The following ABCC4 variants were observed in gnomAD, a reference collection of about 807,000 sequenced individuals.
ABCC4 encodes the protein ATP binding cassette subfamily C member 4 (PEL blood group).
Under a neutral mutation model 168.5 loss-of-function variants are expected in ABCC4, and 102 were observed. The observed-to-expected ratio is 0.61, with a 90% CI of 0.52 to 0.71. The LOEUF is 0.71. ABCC4 is among the 30% of genes least tolerant of loss of function. The pLI is 0.00. For synonymous variants in ABCC4, 617 were observed against 590.7 expected (o/e 1.04, Z -0.65); for missense variants, 1,402 against 1,605.8 (o/e 0.87, Z 2.17).
chr13:95,062,641 AAAAGCAATT>A, intron 26 of ABCC4, 54 bp downstream of exon 26: 1 of 1,437,744 alleles, frequency 7.0e-7, no homozygotes, highest in Non-Finnish European at 9.4e-7. Flanking sequence ...CAATAAGAGT[AAAAGCAATT>A]AAACATAGTA....
chr13:95,064,388 C>A (rs2033441639), intron 25 of ABCC4, among the ~76,000 whole-genome samples: 1 of 150,782 alleles, frequency 6.6e-6, no homozygotes, highest in Non-Finnish European at 1.5e-5. Flanking sequence ...AACAGGTATT[C>A]ATTTTTCCAG....
chr13:95,201,352 A>G (rs1307449987), intron 8 of ABCC4, among the ~76,000 whole-genome samples: 1 of 152,162 alleles, frequency 6.6e-6, no homozygotes, highest in Non-Finnish European at 1.5e-5. Context: ...AATCGTCTGC[A>G]GGATCCCTTT....
chr13:95,211,526 A>G (rs1678400), intron 4 of ABCC4, among the ~76,000 whole-genome samples: 128,920 of 151,714 alleles, frequency 0.85, 55,080 homozygotes, highest in African/African-American at 0.91. Flanking sequence ...GAGGATGTGG[A>G]GGCTGCTGAA....
Position 95,194,936 on chromosome 13 carries a change from G to A in ABCC4, c.1163C>T (p.Thr388Ile), listed in dbSNP as rs1474208365. 16 of 1,612,410 alleles carry A rather than the reference G, an allele frequency of 9.9e-6. No homozygotes were observed. The highest frequency in any genetic ancestry group is 1.2e-5 in the Non-Finnish European group (14 of 1,179,392). The change falls in exon 9 of 31, where the codon ACC (threonine) becomes ATC (isoleucine). Residue 388 changes from threonine to isoleucine, a missense_variant and splice_region_variant. By Grantham distance (89) the Thr-to-Ile change is moderately conservative (BLOSUM62 -1). This residue lies in a region of ABCC4 where 1,007 missense variants were observed against 1,127.3 expected (regional missense o/e 0.89). Coordinates refer to ENST00000645237, the MANE Select transcript of ABCC4 (RefSeq NM_005845.5). ...EAIVSIRRIQ[T>I]FLLLDEISQR... is the part of the protein sequence containing the mutation. Reference sequence around the variant, plus strand: ...TGATATCTCATCAAGTAGCAAAAAGGTCTAAAGAAAATGGGAAAAACACAG... The same window carrying A: ...TGATATCTCATCAAGTAGCAAAAAGATCTAAAGAAAATGGGAAAAACACAG...
chr13:95,273,414 C>G (rs1205063164), intron 1 of ABCC4, among the ~76,000 whole-genome samples: 1 of 152,182 alleles, frequency 6.6e-6, no homozygotes, highest in Non-Finnish European at 1.5e-5. Context: ...TTCCTGGCCC[C>G]TTCCCTCAGG....
At chr13:95,113,038 A>G (rs890856183) in intron 20 of ABCC4, among the ~76,000 whole-genome samples, 6 of 152,192 alleles carry the variant, frequency 3.9e-5, no homozygotes, top group Non-Finnish European at 7.3e-5. Flanking sequence ...ACTCCATTTC[A>G]GATGCCCATG....
intron 19 of ABCC4, among the ~76,000 whole-genome samples, chr13:95,116,295 G>A (rs1160286198): frequency 6.6e-6 from 1 of 152,134 alleles, no homozygotes; most frequent in African/African-American, 2.4e-5. Context: ...GTTCTAGAAT[G>A]TTCCCTCCTT....
intron 27 of ABCC4, among the ~76,000 whole-genome samples, chr13:95,051,530 G>A (rs2032832714): frequency 6.6e-6 from 1 of 151,640 alleles, no homozygotes; most frequent in Non-Finnish European, 1.5e-5. Flanking sequence ...CACCACATCT[G>A]GCTAATTCTT....
chr13:95,107,338 GTTT>G (rs764252432), intron 20 of ABCC4, among the ~76,000 whole-genome samples: 2 of 152,072 alleles, frequency 1.3e-5, no homozygotes, highest in Non-Finnish European at 2.9e-5. Context: ...ACCATGAGGT[GTTT>G]TTATTTCACA....
intron 30 of ABCC4, among the ~76,000 whole-genome samples, chr13:95,029,484 A>G (rs938624306): frequency 8.5e-5 from 13 of 152,088 alleles, no homozygotes; most frequent in African/African-American, 3.1e-4. Context: ...GAAACCTGGC[A>G]GAGGAACTGC....
At chr13:95,247,215 G>T in intron 2 of ABCC4, 120 bp from the exon 3 acceptor site, 1 of 1,099,674 alleles carries the variant, frequency 9.1e-7, no homozygotes, top group Non-Finnish European at 1.3e-6. Context: ...TTTCATAAAT[G>T]CTACTAATTG....
intron 20 of ABCC4, among the ~76,000 whole-genome samples, chr13:95,110,932 C>T (rs77681504): frequency 0.041 from 6,003 of 145,734 alleles, 184 homozygotes; most frequent in Non-Finnish European, 0.059. Context: ...TGCGCCACTG[C>T]ACTCCAGCCT....
chr13:95,199,887 C>G (rs1182193020), intron 8 of ABCC4, among the ~76,000 whole-genome samples: 1 of 152,200 alleles, frequency 6.6e-6, no homozygotes, highest in East Asian at 1.9e-4. Flanking sequence ...CCTCCCTTCC[C>G]AAACCCTTCC....
intron 26 of ABCC4, among the ~76,000 whole-genome samples, chr13:95,054,894 C>T (rs1340254904): frequency 6.6e-6 from 1 of 152,098 alleles, no homozygotes; most frequent in African/African-American, 2.4e-5. Context: ...CTATCGTCTC[C>T]GTTTTAAGGC....
rs2039414990 is a variant in ABCC4, at chr13:95,225,032, T to G, written c.531+9578A>C. 2.0e-5 allele frequency among the ~76,000 whole-genome samples: 3 copies of G among 151,942 alleles called. No individual in the cohort carries two copies. The South Asian group carries it at 6.2e-4, about 31-fold the overall frequency. ...TACAAGTGAATCCAGTAAGTCAGGATGCAAAAAGTTCATGATTAAGGAGAA... is the reference window on the plus strand; with the variant it reads ...TACAAGTGAATCCAGTAAGTCAGGAGGCAAAAAGTTCATGATTAAGGAGAA... On this transcript the variant is annotated intron_variant, in intron 4 of 30. Coordinates refer to ENST00000645237, the MANE Select transcript of ABCC4 (RefSeq NM_005845.5).
At chr13:95,192,321 C>T (rs191804666) in intron 9 of ABCC4, among the ~76,000 whole-genome samples, 4 of 152,244 alleles carry the variant, frequency 2.6e-5, no homozygotes, top group Non-Finnish European at 5.9e-5. Flanking sequence ...CCCACCCCAG[C>T]ACCCTCTCAG....
intron 8 of ABCC4, among the ~76,000 whole-genome samples, chr13:95,206,259 AT>A (rs1335009518): frequency 6.6e-6 from 1 of 152,176 alleles, no homozygotes; most frequent in Non-Finnish European, 1.5e-5. Context: ...CAGCTTAGAC[AT>A]TTTAATCACC....
intron 21 of ABCC4, among the ~76,000 whole-genome samples, chr13:95,082,546 C>A (rs768511063): frequency 1.3e-5 from 2 of 152,110 alleles, no homozygotes; most frequent in African/African-American, 2.4e-5. Flanking sequence ...AGAACAAGCA[C>A]CGCTGGTAAC....
chr13:95,121,881 A>C (rs1369886148), intron 19 of ABCC4, among the ~76,000 whole-genome samples: 1 of 152,036 alleles, frequency 6.6e-6, no homozygotes, highest in South Asian at 2.1e-4. Context: ...TCACATAGAG[A>C]TTGCCTCTGA....
Sources: gnomAD v4.1 joint callset for allele counts (sites outside exome capture counted in the v4.1 genomes callset) on GRCh38, gnomAD v4.1.1 for gene constraint, gnomAD v4.1.1 regional missense constraint, MANE v1.5 for transcripts, NCBI Gene and HGNC (gene_info 2026-07-23, HGNC 2026-07-21) for gene names.